RTN1: variants seen among roughly 807,000 people sequenced by gnomAD.
RTN1 encodes the protein reticulon-1.
Under a neutral mutation model 65.5 loss-of-function variants are expected in RTN1, and 25 were observed. The observed-to-expected ratio is 0.38, with a 90% confidence interval of 0.28 to 0.53. The LOEUF (loss-of-function observed/expected upper bound fraction) is 0.53, where lower values mean the gene tolerates loss of function less well. Ranked by LOEUF, RTN1 falls within the 20% of genes least tolerant of loss-of-function variation. The pLI, the probability that RTN1 is intolerant of heterozygous loss-of-function variation, is 0.79. For missense variants in RTN1, 983 were observed against 1,025.4 expected (o/e 0.96, Z 0.57); for synonymous variants, 471 against 447.6 (o/e 1.05, Z -0.66).
intron 1 of RTN1, among the ~76,000 whole-genome samples, chr14:59,753,525 A>G (rs1388616429): frequency 6.6e-6 from 1 of 152,200 alleles, no homozygotes; most frequent in Admixed American, 6.5e-5. Context: ...TAAATACCCT[A>G]AAAAATCCTC....
At chr14:59,678,137 A>G (rs977330602) in intron 3 of RTN1, among the ~76,000 whole-genome samples, 5 of 152,182 alleles carry the variant, frequency 3.3e-5, no homozygotes, top group African/African-American at 4.8e-5. Context: ...ACCCTGGAAA[A>G]CAAGCCCAGG....
At chr14:59,639,650 G>T (rs1295138230) in intron 3 of RTN1, among the ~76,000 whole-genome samples, 1 of 152,160 alleles carries the variant, frequency 6.6e-6, no homozygotes, top group Non-Finnish European at 1.5e-5. Flanking sequence ...TTACTATGAA[G>T]TATGATGTTG....
At chr14:59,630,318 C>T (rs1882510172) in intron 3 of RTN1, 1 of 1,162,834 alleles carries the variant, frequency 8.6e-7, no homozygotes, top group Admixed American at 1.8e-5. Context: ...GTTTACTACC[C>T]CCCAACACAA....
intron 1 of RTN1, among the ~76,000 whole-genome samples, chr14:59,821,448 CAT>C (rs1886942872): frequency 6.6e-6 from 1 of 152,216 alleles, no homozygotes; most frequent in African/African-American, 2.4e-5. Context: ...AGTATAGAAT[CAT>C]ATAATCTGCA....
At position 59,596,560 on chromosome 14, in the gene RTN1, C is replaced by A; in HGVS notation, c.*185G>T. On this transcript the variant is annotated 3_prime_UTR_variant, in exon 9 of 9. Transcript: ENST00000267484. ...TTTCTCTATACTTTAGTGGTTGACACAAGTGACTCAAATATCCTAAGAGTA... is the reference window on the plus strand; with the variant it reads ...TTTCTCTATACTTTAGTGGTTGACAAAAGTGACTCAAATATCCTAAGAGTA... 1 of 539,782 alleles carries A rather than the reference C, an allele frequency of 1.9e-6. No homozygotes were observed. The allele number at this position is 539,782 out of a possible 1,614,324, so 33.4% of individuals were successfully genotyped here.
At position 59,790,477 on chromosome 14, in the gene RTN1, T is replaced by C. The variant is rs991072178; in HGVS notation, c.242-43996A>G. On this transcript the variant is annotated intron_variant, in intron 1 of 8. Coordinates refer to ENST00000267484, the MANE Select transcript of RTN1 (RefSeq NM_021136.3). This position sits in a 1 kb window ranked among gnomAD's most constrained non-coding sequence, Gnocchi z 4.1. The stretch of plus-strand genomic sequence containing the variant: ...AATTTTTCTCCACTTTGCCTTATTG[T>C]CTTTTGGCTTTGATTGCTGCCTTGG... Among the ~76,000 whole-genome samples the C allele has an allele frequency of 1.2e-4, 18 of 152,266 alleles. No individual in the cohort carries two copies. Among genetic ancestry groups the C allele is most frequent in the Admixed American group, 6.5e-4 (10 of 15,296 alleles).
At chr14:59,754,935 A>G (rs946468942) in intron 1 of RTN1, among the ~76,000 whole-genome samples, 6 of 152,182 alleles carry the variant, frequency 3.9e-5, no homozygotes, top group African/African-American at 1.2e-4. Flanking sequence ...TTAAATGGAC[A>G]TAGATCCTGT....
intron 3 of RTN1, among the ~76,000 whole-genome samples, chr14:59,713,453 A>G (rs1422058955): frequency 6.6e-6 from 1 of 152,212 alleles, no homozygotes; most frequent in Non-Finnish European, 1.5e-5. Flanking sequence ...CACTAGGATG[A>G]AGTTCCCCTC....
intron 3 of RTN1, among the ~76,000 whole-genome samples, chr14:59,665,670 C>T (rs989374952): frequency 2.6e-5 from 4 of 152,218 alleles, no homozygotes; most frequent in Non-Finnish European, 4.4e-5. Context: ...AGTCAAGACC[C>T]ATCAGTGTGC....
At chr14:59,804,133 T>A (rs1020608252) in intron 1 of RTN1, among the ~76,000 whole-genome samples, 2 of 152,200 alleles carry the variant, frequency 1.3e-5, no homozygotes, top group Admixed American at 1.3e-4. Context: ...CCCCATTACA[T>A]TTAATTGTCA....
At chr14:59,684,559 T>C (rs1386406103) in intron 3 of RTN1, among the ~76,000 whole-genome samples, 1 of 152,100 alleles carries the variant, frequency 6.6e-6, no homozygotes, top group African/African-American at 2.4e-5. Flanking sequence ...AAAAAAGCTG[T>C]AGGCATTAAG....
chr14:59,859,537 G>A (rs1486694756), intron 1 of RTN1, among the ~76,000 whole-genome samples: 7 of 152,294 alleles, frequency 4.6e-5, no homozygotes, highest in East Asian at 1.9e-4. Flanking sequence ...CAGTAAAGTG[G>A]GGTGCTGCTG....
chr14:59,857,339 C>A (rs1444211909), intron 1 of RTN1, among the ~76,000 whole-genome samples: 1 of 152,192 alleles, frequency 6.6e-6, no homozygotes, highest in Non-Finnish European at 1.5e-5. Flanking sequence ...AAATCCATTT[C>A]TTTATCTACA....
intron 3 of RTN1, among the ~76,000 whole-genome samples, chr14:59,683,587 T>G (rs1478287239): frequency 6.6e-6 from 1 of 152,098 alleles, no homozygotes; most frequent in Non-Finnish European, 1.5e-5. Flanking sequence ...CTGAAAACTT[T>G]CTTTGTTTTT....
At chr14:59,776,190 G>A (rs550758470) in intron 1 of RTN1, among the ~76,000 whole-genome samples, 2 of 152,152 alleles carry the variant, frequency 1.3e-5, no homozygotes, top group South Asian at 4.2e-4. Context: ...GGCCTTGAAT[G>A]TGTCCCCCAA....
At chr14:59,608,187 G>C (rs906795345) in intron 3 of RTN1, among the ~76,000 whole-genome samples, 1 of 152,114 alleles carries the variant, frequency 6.6e-6, no homozygotes, top group Non-Finnish European at 1.5e-5. Context: ...CTTACTGAAG[G>C]ATCTATGCAA....
In RTN1 at chr14:59,641,617, C is replaced by T. The variant is rs564263785; in HGVS notation, c.1766-34125G>A. ...AACTCCCGACCTCAGGTGATCCACC[C>T]GCCTTGGCCTCCCAAAGTGCTGGGA... On this transcript the variant is annotated intron_variant, in intron 3 of 8. Transcript: ENST00000267484. Among the ~76,000 whole-genome samples, 149 of 152,272 alleles carry T rather than the reference C, an allele frequency of 9.8e-4. 2 individuals carry two copies. The highest frequency in any genetic ancestry group is 5.1e-4 in the Non-Finnish European group (35 of 68,020).
At position 59,827,797 on chromosome 14, in the gene RTN1, C is replaced by G. The variant is rs1006291756; in HGVS notation, c.241+42593G>C. ...GACACCAGATGATATTCTTATCTAC[C>G]CTTTGTAGTCAAACTCTCCTATTTT... On this transcript the variant is annotated intron_variant, in intron 1 of 8. Coordinates refer to ENST00000267484, the MANE Select transcript of RTN1 (RefSeq NM_021136.3). Among the ~76,000 whole-genome samples the G allele has an allele frequency of 9.9e-5, 15 of 152,268 alleles. 1 individual carries two copies. Among genetic ancestry groups the G allele is most frequent in the Admixed American group, 6.5e-4 (10 of 15,292 alleles).
intron 3 of RTN1, among the ~76,000 whole-genome samples, chr14:59,706,688 C>T (rs907104595): frequency 8.5e-5 from 13 of 152,188 alleles, no homozygotes; most frequent in Admixed American, 7.9e-4. Flanking sequence ...ATTCTAATTA[C>T]CTGACCTCAG....
Sources: gnomAD v4.1 joint callset for allele counts (sites outside exome capture counted in the v4.1 genomes callset) on GRCh38, gnomAD v4.1.1 for gene constraint, Gnocchi (gnomAD v3.1) non-coding constraint, MANE v1.5 for transcripts, NCBI Gene and HGNC (gene_info 2026-07-23, HGNC 2026-07-21) for gene names.